Variants in SSTR2 observed in about 807,000 individuals in gnomAD.
SSTR2 encodes somatostatin receptor 2, also known as somatostatin receptor type 2.
In SSTR2, 10 loss-of-function variants were observed where a neutral mutation model predicts 21.4. The ratio of observed to expected loss-of-function variants is 0.47; its 90% confidence interval spans 0.29 to 0.79. The LOEUF (loss-of-function observed/expected upper bound fraction) is 0.79, where lower values mean the gene tolerates loss of function less well. Among genes scored for constraint, SSTR2 ranks in the 30% least tolerant of loss-of-function variants. The pLI, the probability that SSTR2 is intolerant of heterozygous loss-of-function variation, is 0.10. For missense variants in SSTR2, 364 were observed against 468.8 expected (o/e 0.78, Z 2.06); for synonymous variants, 177 against 181.3 (o/e 0.98, Z 0.19).
In SSTR2 at chr17:73,170,411, C is replaced by T; in HGVS notation, c.1092C>T (p.Asp364=). The stretch of plus-strand genomic sequence containing the variant: ...CCCAGAGGACCCTCCTCAATGGAGA[C>T]CTCCAAACCAGTATCTGAACTGCTT... ...TETQRTLLNG[D]LQTSI The change falls in exon 2 of 2, where the codon GAC becomes GAT. Residue 364 remains aspartate (D), a synonymous_variant. Transcript: ENST00000357585. 2 of 1,613,344 alleles carry T rather than the reference C, an allele frequency of 1.2e-6. No homozygotes were observed. The highest frequency in any genetic ancestry group is 1.7e-6 in the Non-Finnish European group (2 of 1,179,800).
chr17:73,167,032 T>C (rs144236966), intron 1 of SSTR2, among the ~76,000 whole-genome samples: 1 of 152,284 alleles, frequency 6.6e-6, no homozygotes, highest in Non-Finnish European at 1.5e-5. Context: ...ATTCATGTTA[T>C]ATAGATGGGC....
In SSTR2 at chr17:73,170,076, A is replaced by G; in HGVS notation, c.757A>G (p.Lys253Glu). ...GSSKRKKSEK[K>E]VTRMVSIVVA... The stretch of plus-strand genomic sequence containing the variant: ...CTCTAAGAGGAAGAAGTCTGAGAAG[A>G]AGGTCACCCGAATGGTGTCCATCGT... Residue 253 changes from lysine (K) to glutamate (E), a missense_variant, in exon 2 of 2, where the codon AAG becomes GAG. Physicochemically the swap from Lys to Glu is moderately conservative, Grantham distance 56 (BLOSUM62 1). Around this residue, in one of 4 missense-constraint regions of SSTR2, gnomAD observed 193 missense variants for 273.1 expected, o/e 0.71. Coordinates refer to ENST00000357585, the MANE Select transcript of SSTR2 (RefSeq NM_001050.3). 1.2e-6 allele frequency: 2 copies of G among 1,614,146 alleles called. No homozygotes were observed. Among genetic ancestry groups the G allele is most frequent in the Non-Finnish European group, 8.5e-7 (1 of 1,180,028 alleles).
Position 73,170,307 on chromosome 17 carries a change from G to C in SSTR2, c.988G>C (p.Val330Leu). ...KKSFQNVLCL[V>L]KVSGTDDGER... ...GAGCTTCCAGAATGTCCTCTGCTTGGTCAAGGTGAGCGGCACAGATGATGG... is the reference window on the plus strand; with the variant it reads ...GAGCTTCCAGAATGTCCTCTGCTTGCTCAAGGTGAGCGGCACAGATGATGG... Residue 330 changes from valine to leucine, a missense_variant, in exon 2 of 2, where the codon GTC (valine) becomes CTC (leucine). Around this residue, in one of 4 missense-constraint regions of SSTR2, gnomAD observed 71 missense variants for 53.8 expected, o/e 1.32. Transcript: ENST00000357585. 1.2e-6 allele frequency: 2 copies of C among 1,613,920 alleles called. No homozygotes were observed. The highest frequency in any genetic ancestry group is 1.3e-5 in the African/African-American group (1 of 74,934).
chr17:73,168,682 GC>G (rs1482965401), intron 1 of SSTR2, among the ~76,000 whole-genome samples: 2 of 152,058 alleles, frequency 1.3e-5, no homozygotes, highest in Non-Finnish European at 2.9e-5. Flanking sequence ...CCTTCATGAC[GC>G]CCCCATGTGA....
At chr17:73,168,732 G>C (rs1391916685) in intron 1 of SSTR2, among the ~76,000 whole-genome samples, 1 of 152,204 alleles carries the variant, frequency 6.6e-6, no homozygotes, top group African/African-American at 2.4e-5. Flanking sequence ...CAGGCATGTG[G>C]TCACACGGGC....
rs2061240835 is a variant in SSTR2 at position 73,173,358 on chromosome 17, T to C, written c.*2929T>C. 6.6e-6 allele frequency: 1 copy of C among 152,226 alleles called. No homozygotes were observed. The highest frequency in any genetic ancestry group is 2.4e-5 in the African/African-American group (1 of 41,460). The allele number at this position is 152,226 out of a possible 1,614,324, so 9.4% of individuals were successfully genotyped here. A position where few individuals can be genotyped will look rare whatever the true frequency, so the allele number is the denominator to read the frequency against. Reference sequence around the variant, plus strand: ...TGGGTCTTCATCAGCAGGATGACCATTCTAAGGCTAAAAGACAGGCCTTTA... The same window carrying C: ...TGGGTCTTCATCAGCAGGATGACCACTCTAAGGCTAAAAGACAGGCCTTTA... On this transcript the variant is annotated 3_prime_UTR_variant, in exon 2 of 2. Coordinates refer to ENST00000357585, the MANE Select transcript of SSTR2 (RefSeq NM_001050.3).
At position 73,170,828 on chromosome 17, in the gene SSTR2, C is replaced by T; in HGVS notation, c.*399C>T. ...TATTTATTCTCTGTATAGGCATTACCTACGTTCCTGTGTTTACATACACAA... is the reference window on the plus strand; with the variant it reads ...TATTTATTCTCTGTATAGGCATTACTTACGTTCCTGTGTTTACATACACAA... On this transcript the variant is annotated 3_prime_UTR_variant, in exon 2 of 2. Transcript: ENST00000357585. 1 of 431,132 alleles carries T rather than the reference C, an allele frequency of 2.3e-6. No homozygotes were observed. Among genetic ancestry groups the T allele is most frequent in the Admixed American group, 2.8e-5 (1 of 36,356 alleles). 26.7% of individuals were successfully genotyped at this position (431,132 alleles called of 1,614,324 possible). A position where few individuals can be genotyped will look rare whatever the true frequency, so the allele number is the denominator to read the frequency against.
Position 73,169,704 on chromosome 17 carries a change from A to G in SSTR2, c.385A>G (p.Ser129Gly), listed in dbSNP as rs2061227386. 1.2e-6 allele frequency: 2 copies of G among 1,614,126 alleles called. No individual in the cohort carries two copies. The highest frequency in any genetic ancestry group is 2.7e-5 in the African/African-American group (2 of 74,950). ...TGTGGATGGCATCAATCAGTTCACC[A>G]GCATCTTCTGCCTGACAGTCATGAG... ...MTVDGINQFT[S>G]IFCLTVMSID... The change falls in exon 2 of 2, where the codon AGC becomes GGC. Residue 129 changes from serine (S) to glycine (G), a missense_variant. Around this residue, in one of 4 missense-constraint regions of SSTR2, gnomAD observed 193 missense variants for 273.1 expected, o/e 0.71. Coordinates refer to ENST00000357585, the MANE Select transcript of SSTR2 (RefSeq NM_001050.3). The surrounding 1 kb of genome is among the most constrained non-coding windows in gnomAD (Gnocchi z 5.2).
chr17:73,169,434 G>T lies in SSTR2; in HGVS notation c.115G>T (p.Asp39Tyr). The T allele has an allele frequency of 6.2e-7, 1 of 1,614,228 alleles. No homozygotes were observed. Among genetic ancestry groups the T allele is most frequent in the South Asian group, 1.1e-5 (1 of 91,056 alleles). ...NTSNQTEPYY[D>Y]LTSNAVLTFI... ...CTCAAACCAGACAGAGCCGTACTAT[G>T]ACCTGACAAGCAATGCAGTCCTCAC... The change falls in exon 2 of 2, where the codon GAC (aspartate) becomes TAC (tyrosine). Residue 39 changes from aspartate to tyrosine, a missense_variant. By Grantham distance (160) the Asp-to-Tyr change is radical. Coordinates refer to ENST00000357585, the MANE Select transcript of SSTR2 (RefSeq NM_001050.3). This position sits in a 1 kb window ranked among gnomAD's most constrained non-coding sequence, Gnocchi z 5.2.
In SSTR2 at chr17:73,169,178, A is replaced by T. The variant is rs1201848657; in HGVS notation, c.-92-50A>T. On this transcript the variant is annotated intron_variant, in intron 1 of 1. Transcript: ENST00000357585. The surrounding 1 kb of genome is among the most constrained non-coding windows in gnomAD (Gnocchi z 5.2). ...ACCAGAAATGTGTAAATTTGGTGAGACTTTAAACAGCCTGTGACCGACGGG... is the reference window on the plus strand; with the variant it reads ...ACCAGAAATGTGTAAATTTGGTGAGTCTTTAAACAGCCTGTGACCGACGGG... 7.1e-6 allele frequency: 7 copies of T among 979,792 alleles called. No individual in the cohort carries two copies. Among genetic ancestry groups the T allele is most frequent in the Non-Finnish European group, 8.8e-6 (6 of 683,968 alleles). The allele number at this position is 979,792 out of a possible 1,614,324, so 60.7% of individuals were successfully genotyped here. A position where few individuals can be genotyped will look rare whatever the true frequency, so the allele number is the denominator to read the frequency against.
In SSTR2 at chr17:73,169,267, T is replaced by A; in HGVS notation, c.-53T>A. The A allele has an allele frequency of 6.4e-7, 1 of 1,560,236 alleles. No homozygotes were observed. The highest frequency in any genetic ancestry group is 8.7e-7 in the Non-Finnish European group (1 of 1,152,950). On this transcript the variant is annotated 5_prime_UTR_variant, in exon 2 of 2. The change abolishes the stop of an existing upstream ORF in the 5' untranslated region. Transcript: ENST00000357585. The surrounding 1 kb of genome is among the most constrained non-coding windows in gnomAD (Gnocchi z 5.2). ...CCTTGGCCTCCAGGGTCCATTAAGG[T>A]GAGAATAAGATCTCTGGGCTGGCTG...
At position 73,170,436 on chromosome 17, in the gene SSTR2, T is replaced by TC. The variant is rs1555722078; in HGVS notation, c.*7_*8insC. ...CCTCCAAACCAGTATCTGAACTGCT[T>TC]GGGGGGTGGGAAAGAACCAAGCCAT... is the stretch of plus-strand genomic sequence containing the variant. On this transcript the variant is annotated 3_prime_UTR_variant, in exon 2 of 2. Transcript: ENST00000357585. 17 of 1,608,508 alleles carry TC rather than the reference T, an allele frequency of 1.1e-5. No homozygotes were observed. In the South Asian group the frequency reaches 1.8e-4, roughly 17 times the overall value.
In SSTR2 at chr17:73,170,485, C is replaced by G. The variant is rs965389578; in HGVS notation, c.*56C>G. ...ATGCTCTGTCTACTGGCAATGGGCT[C>G]CCTACCCACACTGGCTTCCTGCCTC... On this transcript the variant is annotated 3_prime_UTR_variant, in exon 2 of 2. Transcript: ENST00000357585. 5 of 1,584,770 alleles carry G rather than the reference C, an allele frequency of 3.2e-6. No individual in the cohort carries two copies. In the African/African-American group the frequency reaches 5.4e-5, roughly 17 times the overall value.
In SSTR2 at chr17:73,169,932, T is replaced by C; in HGVS notation, c.613T>C (p.Tyr205His). The C allele has an allele frequency of 6.2e-7, 1 of 1,608,000 alleles. No homozygotes were observed. Among genetic ancestry groups the C allele is most frequent in the Non-Finnish European group, 8.5e-7 (1 of 1,176,070 alleles). ...CTGGCCAGGTGAATCTGGGGCTTGG[T>C]ACACAGGGTTCATCATCTACACTTT... is the stretch of plus-strand genomic sequence containing the variant. ...INWPGESGAW[Y>H]TGFIIYTFIL... Residue 205 changes from tyrosine (Y) to histidine (H), a missense_variant, in exon 2 of 2, where the codon TAC becomes CAC. Physicochemically the swap from Tyr to His is moderately conservative, Grantham distance 83. Coordinates refer to ENST00000357585, the MANE Select transcript of SSTR2 (RefSeq NM_001050.3). The surrounding 1 kb of genome is among the most constrained non-coding windows in gnomAD (Gnocchi z 5.2).
chr17:73,169,830 C>T lies in SSTR2; in HGVS notation c.511C>T (p.Leu171=). 1 of 1,614,184 alleles carries T rather than the reference C, an allele frequency of 6.2e-7. No homozygotes were observed. Among genetic ancestry groups the T allele is most frequent in the South Asian group, 1.1e-5 (1 of 91,074 alleles). The change falls in exon 2 of 2, where the codon CTG becomes TTG. Residue 171 remains leucine, a synonymous_variant. Transcript: ENST00000357585. The surrounding 1 kb of genome is among the most constrained non-coding windows in gnomAD (Gnocchi z 5.2). ...CACCATGGCTGTGTGGGGAGTCTCT[C>T]TGCTGGTCATCTTGCCCATCATGAT... ...MITMAVWGVS[L]LVILPIMIYA...
chr17:73,166,753 T>C (rs57593513), intron 1 of SSTR2, among the ~76,000 whole-genome samples: 5,849 of 152,190 alleles, frequency 0.038, 376 homozygotes, highest in African/African-American at 0.13. Context: ...ATTTCTTGCT[T>C]AGAGGAGCCT....
Position 73,169,450 on chromosome 17 carries a change from C to T in SSTR2, c.131C>T (p.Ala44Val), listed in dbSNP as rs1422123884. 1 of 1,614,270 alleles carries T rather than the reference C, an allele frequency of 6.2e-7. No homozygotes were observed. Among genetic ancestry groups the T allele is most frequent in the Non-Finnish European group, 8.5e-7 (1 of 1,180,048 alleles). Residue 44 changes from alanine (A) to valine (V), a missense_variant, in exon 2 of 2, where the codon GCA becomes GTA. Ala to Val is a moderately conservative substitution (Grantham distance 64). Around this residue, in one of 4 missense-constraint regions of SSTR2, gnomAD observed 75 missense variants for 75.4 expected, o/e 0.99. Transcript: ENST00000357585. The surrounding 1 kb of genome is among the most constrained non-coding windows in gnomAD (Gnocchi z 5.2). ...TEPYYDLTSNAVLTFIYFVVC... is the reference protein window; with the variant it reads ...TEPYYDLTSNVVLTFIYFVVC... The stretch of plus-strand genomic sequence containing the variant: ...CCGTACTATGACCTGACAAGCAATG[C>T]AGTCCTCACATTCATCTATTTTGTG...
rs2061248084 is a variant in SSTR2, at chr17:73,176,083, A to G, written c.*5654A>G. 6.6e-6 allele frequency: 1 copy of G among 152,170 alleles called. No individual in the cohort carries two copies. Among genetic ancestry groups the G allele is most frequent in the African/African-American group, 2.4e-5 (1 of 41,432 alleles). The allele number at this position is 152,170 out of a possible 1,614,324, so 9.4% of individuals were successfully genotyped here. On this transcript the variant is annotated 3_prime_UTR_variant, in exon 2 of 2. Coordinates refer to ENST00000357585, the MANE Select transcript of SSTR2 (RefSeq NM_001050.3). Reference sequence around the variant, plus strand: ...CCCCGAAGGAAATCTGCTTGTCTTAAGAGAGGAAGACCCACGACCAGCTCT... The same window carrying G: ...CCCCGAAGGAAATCTGCTTGTCTTAGGAGAGGAAGACCCACGACCAGCTCT...
intron 1 of SSTR2, among the ~76,000 whole-genome samples, chr17:73,165,594 G>A (rs1195836790): frequency 6.6e-6 from 1 of 152,042 alleles, no homozygotes; most frequent in South Asian, 2.1e-4. Flanking sequence ...CCTTTAGCCC[G>A]AGATTTCAGG....
Sources: allele counts gnomAD v4.1 joint callset (sites outside exome capture counted in the v4.1 genomes callset), GRCh38; gene constraint gnomAD v4.1.1; regional missense constraint gnomAD v4.1.1; non-coding constraint Gnocchi (gnomAD v3.1); transcripts MANE v1.5; gene names NCBI Gene and HGNC (gene_info 2026-07-23, HGNC 2026-07-21).